EPHB2: variants seen among roughly 807,000 people sequenced by gnomAD.
EPHB2 encodes the protein ephrin type-B receptor 2.
In EPHB2, 18 loss-of-function variants were observed where a neutral mutation model predicts 96.4. That is an observed-to-expected ratio of 0.19 (90% CI 0.13 to 0.28). The LOEUF (loss-of-function observed/expected upper bound fraction) is 0.28. Among genes scored for constraint, EPHB2 ranks in the 10% least tolerant of loss-of-function variants. The pLI is 1.00. For synonymous variants in EPHB2, 506 were observed against 534.1 expected, an observed-to-expected ratio of 0.95 and a Z score of 0.72; for missense variants, 989 against 1,355.4, an observed-to-expected ratio of 0.73 and a Z score of 4.25.
At position 22,907,923 on chromosome 1, in the gene EPHB2, T is replaced by C. The variant is rs1639968049; in HGVS notation, c.2137-30T>C. On this transcript the variant is annotated intron_variant, in intron 11 of 15. Transcript: ENST00000374630. ...GAGCTCTGATGCCTGCTCTTCTGTT[T>C]ACTCTGTGTTTTCCCCACTTCTCCC... 1.9e-6 allele frequency: 3 copies of C among 1,612,238 alleles called. No homozygotes were observed. The East Asian group carries it at 6.7e-5, about 36-fold the overall frequency.
chr1:22,802,650 G>T (rs116838852), intron 3 of EPHB2, among the ~76,000 whole-genome samples: 4,947 of 151,700 alleles, frequency 0.033, 260 homozygotes, highest in African/African-American at 0.11. Flanking sequence ...CTGTCCACCC[G>T]CACCACCCAG....
intron 3 of EPHB2, among the ~76,000 whole-genome samples, chr1:22,857,061 A>G (rs115654406): frequency 1.8e-4 from 27 of 152,296 alleles, no homozygotes; most frequent in African/African-American, 6.3e-4. Flanking sequence ...CCCTACCCCA[A>G]CCAAGGTTCA....
intron 1 of EPHB2, among the ~76,000 whole-genome samples, chr1:22,717,006 C>T (rs1402758049): frequency 6.6e-6 from 1 of 152,206 alleles, no homozygotes. Context: ...AACATACTCT[C>T]CAGGTCTTTC....
At chr1:22,824,639 C>G (rs1255230199) in intron 3 of EPHB2, among the ~76,000 whole-genome samples, 2 of 152,246 alleles carry the variant, frequency 1.3e-5, no homozygotes, top group Admixed American at 6.5e-5. Flanking sequence ...GAATGAAGCC[C>G]CGGAGAAGGG....
At chr1:22,828,893 A>G (rs1645262252) in intron 3 of EPHB2, among the ~76,000 whole-genome samples, 2 of 152,260 alleles carry the variant, frequency 1.3e-5, no homozygotes, top group African/African-American at 4.8e-5. Flanking sequence ...TAGCCTCACA[A>G]GCAGGAATTT....
At chr1:22,775,354 GCT>G (rs1644435419) in intron 1 of EPHB2, 2 of 734,132 alleles carry the variant, frequency 2.7e-6, no homozygotes, top group Non-Finnish European at 5.1e-6. Flanking sequence ...CCTGGCCAGC[GCT>G]TGGCATGTAT....
chr1:22,854,676 T>A (rs976989307), intron 3 of EPHB2, among the ~76,000 whole-genome samples: 2 of 152,200 alleles, frequency 1.3e-5, no homozygotes, highest in African/African-American at 4.8e-5. Context: ...AAGGAGGCCA[T>A]GGACCAGGGA....
intron 3 of EPHB2, among the ~76,000 whole-genome samples, chr1:22,805,480 G>A (rs551465000): frequency 1.3e-5 from 2 of 152,066 alleles, no homozygotes; most frequent in African/African-American, 2.4e-5. Context: ...CCTTTCAGGA[G>A]CTGACCTCCC....
chr1:22,908,983 A>C lies in EPHB2; in HGVS notation c.2353-39A>C, dbSNP rs565013722. 138 of 1,613,650 alleles carry C rather than the reference A, an allele frequency of 8.6e-5. No homozygotes were observed. The South Asian group carries it at 1.4e-3, about 16-fold the overall frequency. Reference sequence around the variant, plus strand: ...ATTAAGAGAAGAGGTCAGACAGGCCAGCCTCCCACCCACAAACCCTCCTCT... The same window carrying C: ...ATTAAGAGAAGAGGTCAGACAGGCCCGCCTCCCACCCACAAACCCTCCTCT... On this transcript the variant is annotated intron_variant, in intron 12 of 15. Coordinates refer to ENST00000374630, the MANE Select transcript of EPHB2 (RefSeq NM_017449.5).
At chr1:22,895,185 G>T (rs1639516673) in intron 7 of EPHB2, among the ~76,000 whole-genome samples, 1 of 152,212 alleles carries the variant, frequency 6.6e-6, no homozygotes. Flanking sequence ...CTGTGTGTGT[G>T]TCAGCTGTTA....
intron 9 of EPHB2, among the ~76,000 whole-genome samples, chr1:22,898,464 G>A (rs907532975): frequency 3.3e-5 from 5 of 152,232 alleles, no homozygotes; most frequent in African/African-American, 1.2e-4. Flanking sequence ...GAACAGCAGA[G>A]GCCAGTGTGA....
At chr1:22,711,764 A>T (rs1643154528) in intron 1 of EPHB2, among the ~76,000 whole-genome samples, 1 of 151,846 alleles carries the variant, frequency 6.6e-6, no homozygotes, top group Non-Finnish European at 1.5e-5. Flanking sequence ...GAGCCCCGGG[A>T]ACTCTCCAGC....
At chr1:22,849,988 T>TA (rs1284769143) in intron 3 of EPHB2, among the ~76,000 whole-genome samples, 3 of 152,030 alleles carry the variant, frequency 2.0e-5, no homozygotes, top group African/African-American at 4.8e-5. Flanking sequence ...ACCAAGCAGG[T>TA]AAAAAATTCC....
intron 1 of EPHB2, among the ~76,000 whole-genome samples, chr1:22,777,220 G>A (rs973678394): frequency 3.9e-5 from 6 of 152,164 alleles, no homozygotes; most frequent in African/African-American, 7.2e-5. Flanking sequence ...GGAGTGAGAC[G>A]GCCAGTCTCT....
At chr1:22,814,960 T>C (rs1645051627) in intron 3 of EPHB2, among the ~76,000 whole-genome samples, 1 of 152,152 alleles carries the variant, frequency 6.6e-6, no homozygotes, top group Non-Finnish European at 1.5e-5. Context: ...CAGCTCTGGG[T>C]GGCTGGAACC....
chr1:22,823,894 G>A (rs573803662), intron 3 of EPHB2, among the ~76,000 whole-genome samples: 5 of 152,382 alleles, frequency 3.3e-5, no homozygotes, highest in African/African-American at 9.6e-5. Flanking sequence ...AAGAATCAGT[G>A]TTTAGATGAA....
chr1:22,774,176 T>C lies in EPHB2; in HGVS notation c.62-7245T>C, dbSNP rs569516547. The stretch of plus-strand genomic sequence containing the variant: ...CTCTGAGATGCCTTTCCAAATTTCC[T>C]GCTCAAAGCTACTCCCTTCTTCCTC... On this transcript the variant is annotated intron_variant, in intron 1 of 15. Coordinates refer to ENST00000374630, the MANE Select transcript of EPHB2 (RefSeq NM_017449.5). 3.9e-5 allele frequency among the ~76,000 whole-genome samples: 6 copies of C among 152,304 alleles called. No individual in the cohort carries two copies. The East Asian group carries it at 1.2e-3, about 30-fold the overall frequency.
At position 22,910,527 on chromosome 1, in the gene EPHB2, T is replaced by G; in HGVS notation, c.2648T>G (p.Met883Arg). The change falls in exon 14 of 16, where the codon ATG becomes AGG. Residue 883 changes from methionine to arginine, a missense_variant. Physicochemically the swap from Met to Arg is moderately conservative, Grantham distance 91. Coordinates refer to ENST00000374630, the MANE Select transcript of EPHB2 (RefSeq NM_017449.5). Reference sequence around the variant, plus strand: ...CAAATTGTCAACACGCTAGACAAGATGATCCGCAATCCCAACAGCCTCAAA... The same window carrying G: ...CAAATTGTCAACACGCTAGACAAGAGGATCCGCAATCCCAACAGCCTCAAA... The part of the protein sequence containing the change: ...FGQIVNTLDK[M>R]IRNPNSLKAM... The G allele has an allele frequency of 6.2e-7, 1 of 1,613,184 alleles. No individual in the cohort carries two copies. Among genetic ancestry groups the G allele is most frequent in the Non-Finnish European group, 8.5e-7 (1 of 1,180,040 alleles).
chr1:22,728,815 G>C (rs1354482863), intron 1 of EPHB2, among the ~76,000 whole-genome samples: 3 of 152,194 alleles, frequency 2.0e-5, no homozygotes, highest in Admixed American at 1.3e-4. Context: ...TGGGACCTCA[G>C]CACCTCTGTG....
Sources: gnomAD v4.1 joint callset for allele counts (sites outside exome capture counted in the v4.1 genomes callset) on GRCh38, gnomAD v4.1.1 for gene constraint, MANE v1.5 for transcripts, NCBI Gene and HGNC (gene_info 2026-07-23, HGNC 2026-07-21) for gene names.